CLCN5: variants seen among roughly 807,000 people sequenced by gnomAD.
The protein encoded by CLCN5 is Cl-/H+ antiporter 5, also known as H(+)/Cl(-) exchange transporter 5.
Under a neutral mutation model 54.0 loss-of-function variants are expected in CLCN5, and 17 were observed. The ratio of observed to expected loss-of-function variants is 0.31; its 90% CI spans 0.22 to 0.47. The LOEUF (loss-of-function observed/expected upper bound fraction) is 0.47. CLCN5 is among the 20% of genes least tolerant of loss of function. CLCN5 has a pLI of 1.00. For missense variants in CLCN5, 448 were observed against 646.7 expected (o/e 0.69, Z 3.33); for synonymous variants, 222 against 233.0 (o/e 0.95, Z 0.43).
chrX:50,084,349 G>A (rs781927752), intron 9 of CLCN5, among the ~76,000 whole-genome samples: 278 of 111,421 alleles, frequency 2.5e-3, no homozygotes, highest in Non-Finnish European at 4.5e-3. Flanking sequence ...TACGTGGTGC[G>A]TGACAGTATT....
intron 4 of CLCN5, among the ~76,000 whole-genome samples, chrX:50,060,334 G>A (rs1178914204): frequency 9.0e-6 from 1 of 110,825 alleles, no homozygotes. Context: ...GCGAGGCATT[G>A]CCTCACCTGG....
intron 3 of CLCN5, among the ~76,000 whole-genome samples, chrX:49,958,672 C>G: frequency 9.0e-6 from 1 of 111,428 alleles, no homozygotes; most frequent in Non-Finnish European, 1.9e-5. Flanking sequence ...TCAATCAGGA[C>G]AGTAGGTTAT....
At chrX:50,055,928 A>G (rs2147502388) in intron 4 of CLCN5, among the ~76,000 whole-genome samples, 1 of 110,749 alleles carries the variant, frequency 9.0e-6, no homozygotes, top group Non-Finnish European at 1.9e-5. Context: ...CTATTACTAG[A>G]TACTTTCATT....
chrX:50,030,305 T>TA (rs1351350509), intron 3 of CLCN5, among the ~76,000 whole-genome samples: 4 of 112,179 alleles, frequency 3.6e-5, no homozygotes, highest in Non-Finnish European at 5.6e-5. Context: ...TTTAAAGTAA[T>TA]ACTGTGTTTC....
intron 4 of CLCN5, among the ~76,000 whole-genome samples, chrX:50,062,261 C>G (rs1932867159): frequency 1.7e-5 from 1 of 58,445 alleles, no homozygotes; most frequent in Non-Finnish European, 2.9e-5. Context: ...TTCAGGAAAC[C>G]CATCTCACGT....
At chrX:49,978,551 C>T (rs1473839855) in intron 3 of CLCN5, among the ~76,000 whole-genome samples, 1 of 112,333 alleles carries the variant, frequency 8.9e-6, no homozygotes, top group Non-Finnish European at 1.9e-5. Flanking sequence ...TCTACAAATA[C>T]AATGTACTTA....
chrX:50,001,472 T>C (rs1275850352), intron 3 of CLCN5, among the ~76,000 whole-genome samples: 2 of 111,110 alleles, frequency 1.8e-5, no homozygotes, highest in Non-Finnish European at 3.8e-5. Context: ...TTACTCTTTT[T>C]TTTAAATGTA....
intron 4 of CLCN5, among the ~76,000 whole-genome samples, chrX:50,046,690 GAT>G (rs1932406520): frequency 9.0e-6 from 1 of 111,598 alleles, no homozygotes; most frequent in Admixed American, 9.6e-5. Context: ...GCAGAGGAAT[GAT>G]ATGATCACAT....
In CLCN5 at chrX:50,080,586, T is replaced by C. The variant is rs781959302; in HGVS notation, c.604-8T>C. 2.5e-5 allele frequency: 30 copies of C among 1,198,185 alleles called. No homozygotes were observed. The highest frequency in any genetic ancestry group is 3.4e-5 in the Non-Finnish European group (30 of 888,749). ...GCTAAAACAAGCTTCTTTTTCCCCC[T>C]GTTCCAGGGAGCCTTTGCCTACATA... On this transcript the variant is annotated splice_region_variant and splice_polypyrimidine_tract_variant and intron_variant, in intron 7 of 14. Coordinates refer to ENST00000376091, the MANE Select transcript of CLCN5 (RefSeq NM_001127898.4).
In CLCN5 at chrX:50,066,506, C is replaced by T. The variant is rs146728811; in HGVS notation, c.164-3373C>T. 9.4e-4 allele frequency among the ~76,000 whole-genome samples: 105 copies of T among 112,253 alleles called. 1 individual carries two copies. Among genetic ancestry groups the T allele is most frequent in the African/African-American group, 3.3e-3 (102 of 30,961 alleles). On this transcript the variant is annotated intron_variant, in intron 4 of 14. Coordinates refer to ENST00000376091, the MANE Select transcript of CLCN5 (RefSeq NM_001127898.4). ...CTCTACACATAGGGTCCAGTTATTA[C>T]AGCACACTGTGACTGGGTTAATGTT...
At chrX:49,970,284 T>C (rs1928137501) in intron 3 of CLCN5, among the ~76,000 whole-genome samples, 1 of 111,762 alleles carries the variant, frequency 8.9e-6, no homozygotes, top group South Asian at 3.7e-4. Context: ...TTGCATACCA[T>C]ACAATTCACC....
chrX:50,054,276 C>T (rs1260531186), intron 4 of CLCN5, among the ~76,000 whole-genome samples: 1 of 111,162 alleles, frequency 9.0e-6, no homozygotes. Context: ...GAGTATGTTC[C>T]CCTGCTTTAG....
At chrX:50,065,786 G>A (rs1250978027) in intron 4 of CLCN5, among the ~76,000 whole-genome samples, 2 of 103,732 alleles carry the variant, frequency 1.9e-5, no homozygotes, top group East Asian at 6.1e-4. Flanking sequence ...TGATAGACTG[G>A]ATTAAGAAAA....
At chrX:50,026,657 C>G (rs1931406332) in intron 3 of CLCN5, among the ~76,000 whole-genome samples, 2 of 111,599 alleles carry the variant, frequency 1.8e-5, no homozygotes, top group African/African-American at 3.3e-5. Flanking sequence ...GCTGTGAAGT[C>G]TGCTCTGTCT....
At position 50,081,317 on chromosome X, in the gene CLCN5, G is replaced by C. The variant is rs143719974; in HGVS notation, c.727-324G>C. Among the ~76,000 whole-genome samples the C allele has an allele frequency of 1.3e-3, 144 of 109,851 alleles. 1 individual carries two copies. The highest frequency in any genetic ancestry group is 3.5e-3 in the African/African-American group (104 of 30,093). On this transcript the variant is annotated intron_variant, in intron 8 of 14. Coordinates refer to ENST00000376091, the MANE Select transcript of CLCN5 (RefSeq NM_001127898.4). Reference sequence around the variant, plus strand: ...CTTGTCCTCTCAAAACATGCCTCTTGGGCTACCACGTTGTAACATGAGGAA... The same window carrying C: ...CTTGTCCTCTCAAAACATGCCTCTTCGGCTACCACGTTGTAACATGAGGAA...
intron 4 of CLCN5, among the ~76,000 whole-genome samples, chrX:50,047,926 C>T (rs782661270): frequency 4.4e-4 from 49 of 111,878 alleles, no homozygotes; most frequent in Non-Finnish European, 8.6e-4. Context: ...GATCACCTGG[C>T]TGAGGTGTAA....
intron 4 of CLCN5, among the ~76,000 whole-genome samples, chrX:50,055,968 G>C (rs914114549): frequency 9.1e-6 from 1 of 109,807 alleles, no homozygotes; most frequent in African/African-American, 3.3e-5. Flanking sequence ...TACAAACAGT[G>C]CTGCAATGAA....
intron 6 of CLCN5, among the ~76,000 whole-genome samples, chrX:50,073,732 A>T (rs1933307946): frequency 8.9e-6 from 1 of 111,788 alleles, no homozygotes; most frequent in Non-Finnish European, 1.9e-5. Context: ...GCTGTAAAGG[A>T]GCCAGATAGT....
At chrX:49,953,947 G>C (rs977088974) in intron 3 of CLCN5, among the ~76,000 whole-genome samples, 1 of 111,690 alleles carries the variant, frequency 9.0e-6, no homozygotes, top group Non-Finnish European at 1.9e-5. Context: ...TAGTTACGAC[G>C]ATGTTGGACT....
Sources: allele counts gnomAD v4.1 joint callset (sites outside exome capture counted in the v4.1 genomes callset), GRCh38; gene constraint gnomAD v4.1.1; transcripts MANE v1.5; gene names NCBI Gene and HGNC (gene_info 2026-07-23, HGNC 2026-07-21).